Variants in PDZD8 observed in about 807,000 individuals in gnomAD.
The protein encoded by PDZD8 is PDZ domain containing 8.
In PDZD8, 14 loss-of-function variants were observed where a neutral mutation model predicts 85.8. The observed-to-expected ratio is 0.16, with a 90% CI of 0.11 to 0.26. PDZD8 has a LOEUF of 0.26. Among genes scored for constraint, PDZD8 ranks in the 10% least tolerant of loss-of-function variants. PDZD8 has a pLI of 1.00. For missense variants in PDZD8, 1,197 were observed against 1,424.3 expected (o/e 0.84, Z 2.57); for synonymous variants, 592 against 568.6 (o/e 1.04, Z -0.59).
chr10:117,354,465 C>G (rs981043388), intron 1 of PDZD8, among the ~76,000 whole-genome samples: 1 of 152,140 alleles, frequency 6.6e-6, no homozygotes, highest in Non-Finnish European at 1.5e-5. Context: ...TCATTCTGTT[C>G]CTTTGTGATT....
At chr10:117,350,890 T>TAAAA (rs1844794861) in intron 1 of PDZD8, among the ~76,000 whole-genome samples, 1 of 82,160 alleles carries the variant, frequency 1.2e-5, no homozygotes, top group African/African-American at 5.3e-5. Flanking sequence ...GGTGACAAAG[T>TAAAA]GAAAAAAAAA....
chr10:117,374,690 C>T lies in PDZD8; in HGVS notation c.538G>A (p.Glu180Lys). 1 of 1,598,678 alleles carries T rather than the reference C, an allele frequency of 6.3e-7. No homozygotes were observed. The highest frequency in any genetic ancestry group is 8.5e-7 in the Non-Finnish European group (1 of 1,173,152). Residue 180 changes from glutamate to lysine, a missense_variant, in exon 1 of 5, where the codon GAG becomes AAG. This residue lies in a region of PDZD8 where 344 missense variants were observed against 453.6 expected (regional missense o/e 0.76). Coordinates refer to ENST00000334464, the MANE Select transcript of PDZD8 (RefSeq NM_173791.5). This position sits in a 1 kb window ranked among gnomAD's most constrained non-coding sequence, Gnocchi z 7.8. ...TCGGGGCAGGCGGCGGGCAGCGCCT[C>T]CCCTTCAGGGCCATCGGGCTCCCCG... ...ATGEPDGPEG[E>K]ALPAACPEEL...
intron 1 of PDZD8, among the ~76,000 whole-genome samples, chr10:117,364,125 C>A (rs1169093704): frequency 1.3e-5 from 2 of 151,952 alleles, no homozygotes; most frequent in Non-Finnish European, 2.9e-5. Context: ...GGTGCCTGGA[C>A]AGACCTTGAA....
chr10:117,321,973 G>C (rs553245716), intron 2 of PDZD8, among the ~76,000 whole-genome samples: 1 of 152,154 alleles, frequency 6.6e-6, no homozygotes, highest in East Asian at 1.9e-4. Context: ...AAAATTTAAA[G>C]CATACAAAGC....
At chr10:117,287,873 T>C (rs1418653030) in intron 4 of PDZD8, among the ~76,000 whole-genome samples, 3 of 152,256 alleles carry the variant, frequency 2.0e-5, no homozygotes, top group Non-Finnish European at 4.4e-5. Context: ...TAAGTTCTAC[T>C]ACGTCCTTCT....
At chr10:117,299,793 C>T (rs570619788) in intron 3 of PDZD8, among the ~76,000 whole-genome samples, 1 of 151,992 alleles carries the variant, frequency 6.6e-6, no homozygotes, top group Non-Finnish European at 1.5e-5. Context: ...TAATAATCAA[C>T]CCCCTGAATT....
intron 3 of PDZD8, among the ~76,000 whole-genome samples, chr10:117,294,309 T>C (rs1243980443): frequency 2.2e-5 from 3 of 139,320 alleles, no homozygotes; most frequent in African/African-American, 8.4e-5. Flanking sequence ...ACCAAATAAA[T>C]GGCTATTACC....
At chr10:117,287,656 C>T (rs1197924202) in intron 4 of PDZD8, among the ~76,000 whole-genome samples, 1 of 152,150 alleles carries the variant, frequency 6.6e-6, no homozygotes, top group Non-Finnish European at 1.5e-5. Context: ...GCCCATTTTC[C>T]TTCCCTGTTC....
intron 3 of PDZD8, among the ~76,000 whole-genome samples, chr10:117,303,144 C>G (rs1935842666): frequency 6.6e-6 from 1 of 152,166 alleles, no homozygotes; most frequent in South Asian, 2.1e-4. Context: ...TTTGGAACTT[C>G]CTAGAAACTT....
chr10:117,335,738 A>AC (rs1844505462), intron 2 of PDZD8, among the ~76,000 whole-genome samples: 1 of 152,290 alleles, frequency 6.6e-6, no homozygotes, highest in African/African-American at 2.4e-5. Context: ...ACAGTACTTG[A>AC]CCCCCACGTT....
intron 3 of PDZD8, among the ~76,000 whole-genome samples, chr10:117,291,026 C>T (rs1454236992): frequency 2.6e-5 from 4 of 151,470 alleles, no homozygotes; most frequent in African/African-American, 4.8e-5. Context: ...TGCACCACTA[C>T]GCCTGGCAAG....
chr10:117,319,779 A>G (rs886971907), intron 2 of PDZD8, among the ~76,000 whole-genome samples: 1 of 152,084 alleles, frequency 6.6e-6, no homozygotes, highest in African/African-American at 2.4e-5. Flanking sequence ...TCCAACTTCT[A>G]TATTATCTAT....
At chr10:117,329,857 G>A (rs1844384786) in intron 2 of PDZD8, among the ~76,000 whole-genome samples, 1 of 150,974 alleles carries the variant, frequency 6.6e-6, no homozygotes, top group South Asian at 2.1e-4. Flanking sequence ...GAAGTGGGAG[G>A]ATTGCTTGAG....
chr10:117,338,744 A>G (rs1844558445), intron 2 of PDZD8, among the ~76,000 whole-genome samples: 1 of 152,206 alleles, frequency 6.6e-6, no homozygotes. Flanking sequence ...TTATCTCAAC[A>G]TGACCTAAAG....
At chr10:117,293,706 C>T (rs1843706622) in intron 3 of PDZD8, among the ~76,000 whole-genome samples, 1 of 152,128 alleles carries the variant, frequency 6.6e-6, no homozygotes, top group African/African-American at 2.4e-5. Flanking sequence ...GCAACCTCAA[C>T]ATCATCAACC....
At chr10:117,344,328 T>C (rs528514092) in intron 1 of PDZD8, among the ~76,000 whole-genome samples, 2 of 152,376 alleles carry the variant, frequency 1.3e-5, no homozygotes, top group East Asian at 3.9e-4. Flanking sequence ...TCTGTGGTGT[T>C]TGAACCCTGT....
At chr10:117,311,523 C>T (rs886708782) in intron 3 of PDZD8, among the ~76,000 whole-genome samples, 4 of 152,014 alleles carry the variant, frequency 2.6e-5, no homozygotes, top group Admixed American at 1.3e-4. Context: ...CCTGCTGATA[C>T]GGAAGATATT....
chr10:117,346,729 C>T (rs1292910181), intron 1 of PDZD8, among the ~76,000 whole-genome samples: 1 of 151,964 alleles, frequency 6.6e-6, no homozygotes, highest in Non-Finnish European at 1.5e-5. Flanking sequence ...TTGTCTCCTG[C>T]CCTCTTTTCC....
chr10:117,374,342 G>T lies in PDZD8; in HGVS notation c.872+14C>A, dbSNP rs370332020. The T allele has an allele frequency of 4.6e-5, 74 of 1,608,444 alleles. No homozygotes were observed. Among genetic ancestry groups the T allele is most frequent in the Non-Finnish European group, 5.4e-5 (63 of 1,175,738 alleles). ...TTCCCGGCAGCCAGGCCCCCTCCCC[G>T]ACCTCCAGCTCACCTGATCTTGTAA... On this transcript the variant is annotated intron_variant, in intron 1 of 4. Coordinates refer to ENST00000334464, the MANE Select transcript of PDZD8 (RefSeq NM_173791.5). The surrounding 1 kb of genome is among the most constrained non-coding windows in gnomAD (Gnocchi z 7.8).
Sources: allele counts gnomAD v4.1 joint callset (sites outside exome capture counted in the v4.1 genomes callset), GRCh38; gene constraint gnomAD v4.1.1; regional missense constraint gnomAD v4.1.1; non-coding constraint Gnocchi (gnomAD v3.1); transcripts MANE v1.5; gene names NCBI Gene and HGNC (gene_info 2026-07-23, HGNC 2026-07-21).